Variants in ARHGAP25 observed in about 807,000 individuals in gnomAD.
ARHGAP25 encodes the protein rho GTPase-activating protein 25.
A neutral mutation model predicts 71.0 loss-of-function variants in ARHGAP25; 34 were observed. The observed-to-expected ratio is 0.48, with a 90% CI of 0.36 to 0.64. ARHGAP25 has a LOEUF of 0.64. Among genes scored for constraint, ARHGAP25 ranks in the 30% least tolerant of loss-of-function variants. ARHGAP25 has a pLI of 0.00. For missense variants in ARHGAP25, 706 were observed against 805.1 expected (o/e 0.88, Z 1.49); for synonymous variants, 282 against 296.5 (o/e 0.95, Z 0.50).
intron 6 of ARHGAP25, among the ~76,000 whole-genome samples, chr2:68,815,380 T>C (rs1430502113): frequency 6.6e-6 from 1 of 151,928 alleles, no homozygotes; most frequent in Non-Finnish European, 1.5e-5. Flanking sequence ...GGGTGCGTTT[T>C]CTGCAGGAGA....
Position 68,774,726 on chromosome 2 carries a change from CCCT to C in ARHGAP25, c.62-490_62-488del. 2.0e-6 allele frequency: 2 copies of C among 1,007,386 alleles called. 1 individual carries two copies. Among genetic ancestry groups the C allele is most frequent in the Non-Finnish European group, 2.4e-6 (2 of 842,348 alleles). The allele number at this position is 1,007,386 out of a possible 1,614,324, so 62.4% of individuals were successfully genotyped here. A position where few individuals can be genotyped will look rare whatever the true frequency, so the allele number is the denominator to read the frequency against. On this transcript the variant is annotated intron_variant, in intron 1 of 10. Coordinates refer to ENST00000409202, the MANE Select transcript of ARHGAP25 (RefSeq NM_001007231.3). Reference sequence around the variant, plus strand: ...GAGCTAACAGCTTCTGTCTTGCGGCCCCTCCTCTAGCCGGCCGCTGTGGAAGAG... The same window carrying C: ...GAGCTAACAGCTTCTGTCTTGCGGCCCCTCTAGCCGGCCGCTGTGGAAGAG...
intron 3 of ARHGAP25, among the ~76,000 whole-genome samples, chr2:68,785,210 G>A (rs547387426): frequency 6.6e-6 from 1 of 152,270 alleles, no homozygotes; most frequent in South Asian, 2.1e-4. Flanking sequence ...AGAAGGATGG[G>A]GAGCCACTGG....
intron 2 of ARHGAP25, among the ~76,000 whole-genome samples, chr2:68,727,278 A>G (rs1246644062): frequency 6.6e-6 from 1 of 152,212 alleles, no homozygotes; most frequent in East Asian, 1.9e-4. Context: ...GTTTCCTCCC[A>G]ATCTGCTTGA....
intron 2 of ARHGAP25, among the ~76,000 whole-genome samples, chr2:68,780,243 A>C (rs1037199440): frequency 1.3e-5 from 2 of 152,230 alleles, no homozygotes; most frequent in East Asian, 3.8e-4. Context: ...GTATATTTTT[A>C]GTATTTTATT....
intron 6 of ARHGAP25, among the ~76,000 whole-genome samples, chr2:68,815,407 G>A (rs1306693742): frequency 9.9e-6 from 1 of 100,900 alleles, no homozygotes; most frequent in African/African-American, 3.4e-5. Flanking sequence ...CAGGTTTGAG[G>A]AGTGCCTGCA....
At chr2:68,748,957 G>A (rs1675996526) in intron 1 of ARHGAP25, among the ~76,000 whole-genome samples, 1 of 152,304 alleles carries the variant, frequency 6.6e-6, no homozygotes, top group South Asian at 2.1e-4. Context: ...ATCCAAACAT[G>A]AGAATTAAAC....
At chr2:68,731,222 G>A (rs1404737702), upstream of ARHGAP25, among the ~76,000 whole-genome samples, 1 of 151,898 alleles carries the variant, frequency 6.6e-6, no homozygotes, top group East Asian at 1.9e-4. Context: ...TAAGCCCACC[G>A]TTTTCTCCTT....
intron 1 of ARHGAP25, among the ~76,000 whole-genome samples, chr2:68,752,324 G>GA (rs886176230): frequency 3.6e-4 from 54 of 149,346 alleles, no homozygotes; most frequent in African/African-American, 1.3e-3. Flanking sequence ...CTTCAAGATA[G>GA]AAAAAAAAGA....
At chr2:68,810,102 C>T (rs1680668736) in intron 5 of ARHGAP25, among the ~76,000 whole-genome samples, 1 of 146,494 alleles carries the variant, frequency 6.8e-6, no homozygotes, top group African/African-American at 2.5e-5. Context: ...AGCCACCTGG[C>T]TCCTGACTTA....
At chr2:68,714,668 A>T (rs1006771866) in intron 2 of ARHGAP25, among the ~76,000 whole-genome samples, 1 of 152,136 alleles carries the variant, frequency 6.6e-6, no homozygotes, top group African/African-American at 2.4e-5. Flanking sequence ...TGTCCCAGAG[A>T]TTCTGGTATG....
chr2:68,731,193 A>G (rs895300535), upstream of ARHGAP25, among the ~76,000 whole-genome samples: 1 of 151,958 alleles, frequency 6.6e-6, no homozygotes, highest in African/African-American at 2.4e-5. Context: ...TTGGGTCCCT[A>G]AATCAACATG....
chr2:68,720,774 G>C (rs1674744273), intron 2 of ARHGAP25, among the ~76,000 whole-genome samples: 1 of 152,012 alleles, frequency 6.6e-6, no homozygotes, highest in Non-Finnish European at 1.5e-5. Context: ...CTTTCACCTG[G>C]GGAGTCTAAG....
At chr2:68,769,593 A>C (rs899705625) in intron 1 of ARHGAP25, among the ~76,000 whole-genome samples, 2 of 152,114 alleles carry the variant, frequency 1.3e-5, no homozygotes, top group Non-Finnish European at 2.9e-5. Flanking sequence ...TTAGAGTGCA[A>C]GTGGAGAGGG....
chr2:68,721,279 T>G (rs1475659347), intron 2 of ARHGAP25, among the ~76,000 whole-genome samples: 2 of 152,248 alleles, frequency 1.3e-5, no homozygotes, highest in Non-Finnish European at 2.9e-5. Flanking sequence ...TTATTTTGAA[T>G]TTTATACTTC....
chr2:68,756,706 C>G lies in ARHGAP25; in HGVS notation c.62-18515C>G, dbSNP rs150594642. 2.5e-3 allele frequency among the ~76,000 whole-genome samples: 375 copies of G among 152,234 alleles called. 1 individual carries two copies. Among genetic ancestry groups the G allele is most frequent in the Non-Finnish European group, 3.7e-3 (251 of 68,022 alleles). On this transcript the variant is annotated intron_variant, in intron 1 of 10. Transcript: ENST00000409202. Reference sequence around the variant, plus strand: ...TTGAGGAAGGGAGACAATCTGATTTCCAGAGTTACCATATCATTAGATTCA... The same window carrying G: ...TTGAGGAAGGGAGACAATCTGATTTGCAGAGTTACCATATCATTAGATTCA...
chr2:68,770,021 A>G (rs10196674), intron 1 of ARHGAP25, among the ~76,000 whole-genome samples: 44,862 of 152,062 alleles, frequency 0.3, 6,906 homozygotes, highest in Non-Finnish European at 0.33. Context: ...GAGAAGGCTC[A>G]CGTCATAAGC....
Position 68,782,233 on chromosome 2 carries a change from G to A in ARHGAP25, c.262G>A (p.Gly88Ser). ...TAAGGCCTGACTTTTCATCTTTCAG[G>A]GCTGCATGTATCTACCAGGATGTAC... ...YKDEEDTKPQGCMYLPGCTIK... is the reference protein window; with the variant it reads ...YKDEEDTKPQSCMYLPGCTIK... The change falls in exon 3 of 11, where the codon GGC becomes AGC. Residue 88 changes from glycine (G) to serine (S), a missense_variant and splice_region_variant. By Grantham distance (56) the Gly-to-Ser change is moderately conservative. Transcript: ENST00000409202. The A allele has an allele frequency of 6.2e-7, 1 of 1,613,782 alleles. No individual in the cohort carries two copies. The highest frequency in any genetic ancestry group is 8.5e-7 in the Non-Finnish European group (1 of 1,179,848).
At position 68,822,841 on chromosome 2, in the gene ARHGAP25, C is replaced by G. The variant is rs768309526; in HGVS notation, c.1702C>G (p.Gln568Glu). Residue 568 changes from glutamine (Q) to glutamate (E), a missense_variant, in exon 10 of 11, where the codon CAG becomes GAG. Physicochemically the swap from Gln to Glu is conservative, Grantham distance 29 (BLOSUM62 2). Coordinates refer to ENST00000409202, the MANE Select transcript of ARHGAP25 (RefSeq NM_001007231.3). ...VQELRKEIET[Q>E]KQMYEEQIKN... ...AGAGCTACGAAAGGAAATAGAAACACAGAAGCAAATGTATGAGGAACAGAT... is the reference window on the plus strand; with the variant it reads ...AGAGCTACGAAAGGAAATAGAAACAGAGAAGCAAATGTATGAGGAACAGAT... 1.1e-5 allele frequency: 17 copies of G among 1,613,270 alleles called. No individual in the cohort carries two copies. The African/African-American group carries it at 2.3e-4, about 22-fold the overall frequency.
chr2:68,789,863 C>T (rs575399805), intron 4 of ARHGAP25, among the ~76,000 whole-genome samples: 100 of 152,282 alleles, frequency 6.6e-4, no homozygotes, highest in Non-Finnish European at 1.1e-3. Context: ...GAGACCACCA[C>T]CCTGAGAAGC....
Sources: gnomAD v4.1 joint callset for allele counts (sites outside exome capture counted in the v4.1 genomes callset) on GRCh38, gnomAD v4.1.1 for gene constraint, MANE v1.5 for transcripts, NCBI Gene and HGNC (gene_info 2026-07-23, HGNC 2026-07-21) for gene names.